IL12RB2: variants seen among roughly 807,000 people sequenced by gnomAD.
IL12RB2 encodes the protein interleukin 12 receptor subunit beta 2, also known as interleukin-12 receptor subunit beta-2.
In IL12RB2, 82 loss-of-function variants were observed where a neutral mutation model predicts 89.4. The ratio of observed to expected loss-of-function variants is 0.92; its 90% CI spans 0.77 to 1.10. The LOEUF (loss-of-function observed/expected upper bound fraction) is 1.10. Ranked by LOEUF, IL12RB2 falls within the 50% of genes least tolerant of loss-of-function variation. The probability of loss-of-function intolerance (pLI) is 0.00; values close to 1 mark genes in which losing one functional copy is unlikely to be tolerated. For missense variants in IL12RB2, 963 were observed against 1,031.9 expected (o/e 0.93, Z 0.92); for synonymous variants, 368 against 370.1 (o/e 0.99, Z 0.07).
Position 67,350,893 on chromosome 1 carries a change from A to G in IL12RB2, c.1062A>G (p.Arg354=), listed in dbSNP as rs1660755829. 2 of 1,614,076 alleles carry G rather than the reference A, an allele frequency of 1.2e-6. No individual in the cohort carries two copies. The highest frequency in any genetic ancestry group is 1.7e-6 in the Non-Finnish European group (2 of 1,179,964). Residue 354 remains arginine, a synonymous_variant, in exon 10 of 17, where the codon AGA becomes AGG. Transcript: ENST00000674203. ...AGAATCTGAGTGTCTCAGAGGCAAG[A>G]GGAAAAATTCTCCACTATCAGGTGA... ...FWKNLSVSEA[R]GKILHYQVTL... is the part of the protein sequence containing the mutation.
At chr1:67,358,851 A>G (rs1049085387) in intron 10 of IL12RB2, among the ~76,000 whole-genome samples, 9 of 152,084 alleles carry the variant, frequency 5.9e-5, no homozygotes, top group Admixed American at 1.3e-4. Context: ...GTTAAGAATA[A>G]AAAACTTAGC....
chr1:67,391,299 C>G (rs1665785110), intron 16 of IL12RB2, among the ~76,000 whole-genome samples: 1 of 151,048 alleles, frequency 6.6e-6, no homozygotes, highest in African/African-American at 2.4e-5. Context: ...TTTAAGTCTC[C>G]TCTGAGGGAT....
chr1:67,395,837 C>A lies in IL12RB2; in HGVS notation c.2337C>A (p.Pro779=), dbSNP rs2229546. The A allele has an allele frequency of 0.66, 1,058,281 of 1,609,934 alleles. 352,274 individuals carry two copies. Among genetic ancestry groups the A allele is most frequent in the Non-Finnish European group, 0.68 (797,585 of 1,176,926 alleles). ...VLESRGSDPK[P]ENPACPWTVL... ...AGAGCAGGGGCTCCGACCCAAAGCC[C>A]GAAAACCCAGCCTGTCCCTGGACGG... Residue 779 remains proline (P), a synonymous_variant, in exon 17 of 17, where the codon CCC becomes CCA. Coordinates refer to ENST00000674203, the MANE Select transcript of IL12RB2 (RefSeq NM_001374259.2).
intron 16 of IL12RB2, among the ~76,000 whole-genome samples, chr1:67,390,411 G>C (rs17129975): frequency 6.3e-4 from 87 of 138,118 alleles, no homozygotes; most frequent in Non-Finnish European, 1.2e-3. Flanking sequence ...CTGCTCTCCT[G>C]TTCTCCTCAC....
chr1:67,384,995 C>T (rs753443101), intron 14 of IL12RB2, among the ~76,000 whole-genome samples: 38 of 152,236 alleles, frequency 2.5e-4, no homozygotes, highest in Non-Finnish European at 5.1e-4. Flanking sequence ...CCCACATTTT[C>T]CTGTCTTCTT....
At position 67,328,766 on chromosome 1, in the gene IL12RB2, G is replaced by A. The variant is rs559725850; in HGVS notation, c.664+382G>A. On this transcript the variant is annotated intron_variant, in intron 6 of 16. Transcript: ENST00000674203. The stretch of plus-strand genomic sequence containing the variant: ...CCCCCATGGCTACTCCCATTGTTGT[G>A]AGATAGGCTACATGTGGGCCTGCTA... Among the ~76,000 whole-genome samples, 105 of 152,294 alleles carry A rather than the reference G, an allele frequency of 6.9e-4. 1 individual carries two copies. Among genetic ancestry groups the A allele is most frequent in the Non-Finnish European group, 1.1e-3 (73 of 68,032 alleles).
At chr1:67,348,152 T>C (rs775375188) in intron 9 of IL12RB2, among the ~76,000 whole-genome samples, 2 of 152,074 alleles carry the variant, frequency 1.3e-5, no homozygotes, top group Non-Finnish European at 2.9e-5. Context: ...ACAGCTTGTC[T>C]CCTGTGACTC....
At chr1:67,366,223 G>A (rs542905658) in intron 10 of IL12RB2, among the ~76,000 whole-genome samples, 146 of 152,100 alleles carry the variant, frequency 9.6e-4, no homozygotes, top group Non-Finnish European at 1.7e-3. Flanking sequence ...AGCCCGAGGC[G>A]GGTGGATCAC....
intron 13 of IL12RB2, among the ~76,000 whole-genome samples, chr1:67,373,402 G>A (rs772166286): frequency 9.8e-5 from 15 of 152,308 alleles, no homozygotes; most frequent in East Asian, 1.9e-4. Context: ...GGGCCACAGC[G>A]CCCCGCCAAT....
chr1:67,332,305 T>C (rs1328207208), intron 8 of IL12RB2, among the ~76,000 whole-genome samples: 3 of 151,750 alleles, frequency 2.0e-5, no homozygotes, highest in Non-Finnish European at 4.4e-5. Context: ...AACCTCTGCC[T>C]CCTGTGTTCC....
At chr1:67,346,689 G>T (rs947956369) in intron 9 of IL12RB2, among the ~76,000 whole-genome samples, 4 of 152,042 alleles carry the variant, frequency 2.6e-5, no homozygotes, top group Non-Finnish European at 4.4e-5. Flanking sequence ...CACGGCCAAG[G>T]GTTGTCTTTT....
intron 9 of IL12RB2, among the ~76,000 whole-genome samples, chr1:67,344,347 C>T (rs1415659801): frequency 6.6e-6 from 1 of 152,134 alleles, no homozygotes; most frequent in African/African-American, 2.4e-5. Context: ...GGCTGGAGTG[C>T]AGTGGCGTGA....
At chr1:67,349,174 T>A (rs576408290) in intron 9 of IL12RB2, among the ~76,000 whole-genome samples, 13 of 152,184 alleles carry the variant, frequency 8.5e-5, no homozygotes, top group Non-Finnish European at 1.0e-4. Context: ...TTCTGGGATG[T>A]CTATGAAGGA....
intron 11 of IL12RB2, among the ~76,000 whole-genome samples, chr1:67,371,747 A>G (rs920456323): frequency 5.3e-5 from 8 of 152,204 alleles, no homozygotes; most frequent in African/African-American, 1.9e-4. Flanking sequence ...GCCAGGAAGG[A>G]GCATTAACAT....
chr1:67,348,368 G>T (rs549773500), intron 9 of IL12RB2, among the ~76,000 whole-genome samples: 1 of 152,234 alleles, frequency 6.6e-6, no homozygotes, highest in Non-Finnish European at 1.5e-5. Context: ...ATTGTCTCAG[G>T]CTTGTCTATA....
intron 16 of IL12RB2, among the ~76,000 whole-genome samples, chr1:67,391,532 T>C (rs935333956): frequency 7.4e-5 from 11 of 148,474 alleles, no homozygotes; most frequent in Non-Finnish European, 1.5e-4. Flanking sequence ...AATAATATTA[T>C]ACATTCATTA....
At position 67,336,787 on chromosome 1, in the gene IL12RB2, G is replaced by C. The variant is rs567918651; in HGVS notation, c.959-1837G>C. On this transcript the variant is annotated intron_variant, in intron 8 of 16. Coordinates refer to ENST00000674203, the MANE Select transcript of IL12RB2 (RefSeq NM_001374259.2). ...AAGGCTATGGGCTCTGGGATAAAAC[G>C]GATTTGTGTTCAAAGCCTGGCATCT... Among the ~76,000 whole-genome samples, 6 of 152,296 alleles carry C rather than the reference G, an allele frequency of 3.9e-5. No individual in the cohort carries two copies. The East Asian group carries it at 9.7e-4, about 25-fold the overall frequency.
intron 7 of IL12RB2, among the ~76,000 whole-genome samples, chr1:67,329,963 G>A (rs1657839681): frequency 6.6e-6 from 1 of 151,962 alleles, no homozygotes; most frequent in Non-Finnish European, 1.5e-5. Flanking sequence ...ATTTTCTATA[G>A]TTTATTTCTA....
chr1:67,361,965 T>C (rs935140743), intron 10 of IL12RB2, among the ~76,000 whole-genome samples: 1 of 152,170 alleles, frequency 6.6e-6, no homozygotes, highest in African/African-American at 2.4e-5. Context: ...GAATTACATC[T>C]AACTTCTTCA....
Sources: gnomAD v4.1 joint callset for allele counts (sites outside exome capture counted in the v4.1 genomes callset) on GRCh38, gnomAD v4.1.1 for gene constraint, MANE v1.5 for transcripts, NCBI Gene and HGNC (gene_info 2026-07-23, HGNC 2026-07-21) for gene names.